Variants in VPS33A observed in about 807,000 individuals in gnomAD.
VPS33A encodes the protein vacuolar protein sorting-associated protein 33A.
Under a neutral mutation model 71.8 loss-of-function variants are expected in VPS33A, and 32 were observed. The ratio of observed to expected loss-of-function variants is 0.45; its 90% CI spans 0.34 to 0.60. VPS33A has a LOEUF of 0.60. Ranked by LOEUF, VPS33A falls within the 20% of genes least tolerant of loss-of-function variation. The probability of loss-of-function intolerance (pLI) is 0.02; values close to 1 mark genes in which losing one functional copy is unlikely to be tolerated. For synonymous variants in VPS33A, 311 were observed against 292.7 expected (o/e 1.06, Z -0.64); for missense variants, 625 against 748.5 (o/e 0.84, Z 1.92).
intron 6 of VPS33A, among the ~76,000 whole-genome samples, chr12:122,246,902 T>C (rs900770902): frequency 3.7e-4 from 56 of 152,192 alleles, no homozygotes; most frequent in African/African-American, 1.2e-3. Context: ...ATGCCTGCCC[T>C]ATACTGTGGA....
chr12:122,253,557 A>G (rs988113677), intron 4 of VPS33A: 1 of 154,410 alleles, frequency 6.5e-6, no homozygotes, highest in Middle Eastern at 5.3e-4. Flanking sequence ...TCTCAAAAAA[A>G]AAAAAAAAAA....
rs1354570784 is a variant in VPS33A, at chr12:122,232,423, T to A, written c.1614A>T (p.Gln538His). 1.2e-6 allele frequency: 2 copies of A among 1,610,392 alleles called. No homozygotes were observed. The highest frequency in any genetic ancestry group is 3.4e-5 in the Admixed American group (2 of 59,018). The change falls in exon 13 of 13, where the codon CAA (glutamine) becomes CAT (histidine). Residue 538 changes from glutamine (Q) to histidine (H), a missense_variant. Gln to His is a conservative substitution (Grantham distance 24, BLOSUM62 0). Coordinates refer to ENST00000267199, the MANE Select transcript of VPS33A (RefSeq NM_022916.6). ...PLPTGLQKKR[Q>H]PGENRVTLIF... Reference sequence around the variant, plus strand: ...TCAGAGTCACTCGGTTTTCTCCCGGTTGACCTAAAATTTAAACATTTCAGA... The same window carrying A: ...TCAGAGTCACTCGGTTTTCTCCCGGATGACCTAAAATTTAAACATTTCAGA...
intron 4 of VPS33A, chr12:122,253,512 C>CCG: frequency 6.9e-6 from 1 of 145,272 alleles, no homozygotes; most frequent in South Asian, 2.2e-4. Flanking sequence ...GAGATTGTGC[C>CCG]ACTGCACTCC....
chr12:122,242,571 GAGA>G, intron 7 of VPS33A, 63 bp from the exon 8 acceptor site: 1 of 1,525,766 alleles, frequency 6.6e-7, no homozygotes, highest in Non-Finnish European at 8.9e-7. Flanking sequence ...TTATTTTTTT[GAGA>G]AGGACTCTCG....
intron 6 of VPS33A, among the ~76,000 whole-genome samples, chr12:122,246,513 G>A (rs143086910): frequency 0.025 from 3,800 of 152,018 alleles, 82 homozygotes; most frequent in South Asian, 0.046. Context: ...TGGCCAGGCT[G>A]GTCTCGAACT....
intron 1 of VPS33A, 28 bp downstream of exon 1, chr12:122,266,279 G>A (rs767993199): frequency 5.6e-6 from 9 of 1,605,040 alleles, no homozygotes; most frequent in South Asian, 1.1e-5. Context: ...GGGAGGCGAG[G>A]GCGGTGTCGC....
chr12:122,251,028 C>A lies in VPS33A; in HGVS notation c.555G>T (p.Leu185=). 1 of 1,614,202 alleles carries A rather than the reference C, an allele frequency of 6.2e-7. No individual in the cohort carries two copies. The highest frequency in any genetic ancestry group is 8.5e-7 in the Non-Finnish European group (1 of 1,180,036). Residue 185 remains leucine, a synonymous_variant, in exon 5 of 13, where the codon CTG becomes CTT. Transcript: ENST00000267199. Reference sequence around the variant, plus strand: ...CAAAGATCTGGGGGATCGTTCCATACAGAGCTTGCAGGGTCATCAGCCCCT... The same window carrying A: ...CAAAGATCTGGGGGATCGTTCCATAAAGAGCTTGCAGGGTCATCAGCCCCT... ...AAKGLMTLQA[L]YGTIPQIFGK...
At position 122,264,116 on chromosome 12, in the gene VPS33A, C is replaced by T. The variant is rs1219384479; in HGVS notation, c.168+18G>A. 3 of 1,508,776 alleles carry T rather than the reference C, an allele frequency of 2.0e-6. No individual in the cohort carries two copies. The highest frequency in any genetic ancestry group is 1.4e-5 in the South Asian group (1 of 73,366). 93.5% of individuals were successfully genotyped at this position (1,508,776 alleles called of 1,614,324 possible). ...CAGAATTATTAATCCCCTAACAAAA[C>T]CCAAATAGCTCATTTACCTTCAATA... On this transcript the variant is annotated intron_variant, in intron 2 of 12. Transcript: ENST00000267199.
chr12:122,263,557 C>T lies in VPS33A; in HGVS notation c.296+15G>A. 1 of 1,586,152 alleles carries T rather than the reference C, an allele frequency of 6.3e-7. No homozygotes were observed. Among genetic ancestry groups the T allele is most frequent in the Non-Finnish European group, 8.6e-7 (1 of 1,165,218 alleles). ...GAACCAAACTCTTTTGGATCAAACA[C>T]AAGCTCTGAGATACCTGAGCACGTT... On this transcript the variant is annotated intron_variant, in intron 3 of 12. Transcript: ENST00000267199.
At position 122,257,512 on chromosome 12, in the gene VPS33A, T is replaced by C. The variant is rs372276390; in HGVS notation, c.483+3749A>G. On this transcript the variant is annotated intron_variant, in intron 4 of 12. Coordinates refer to ENST00000267199, the MANE Select transcript of VPS33A (RefSeq NM_022916.6). Reference sequence around the variant, plus strand: ...CACGGTGAAACCCCGTCTCTACTAATACACAAAAAAATTAGCTGGGCGTGG... The same window carrying C: ...CACGGTGAAACCCCGTCTCTACTAACACACAAAAAAATTAGCTGGGCGTGG... 3.5e-5 allele frequency among the ~76,000 whole-genome samples: 5 copies of C among 141,576 alleles called. No homozygotes were observed. In the South Asian group the frequency reaches 9.2e-4, roughly 26 times the overall value. 92.9% of individuals were successfully genotyped at this position (141,576 alleles called of 152,430 possible).
Position 122,235,909 on chromosome 12 carries a change from C to T in VPS33A, c.1317G>A (p.Glu439=). The part of the protein sequence containing the change: ...KREILQTYGY[E]HILTLHNLEK... ...CCAGGTTGTGTAAGGTCAATATGTG[C>T]TCATAGCCGTATGTCTGCAAGGGAA... Residue 439 remains glutamate (E), a synonymous_variant, in exon 11 of 13, where the codon GAG becomes GAA. Coordinates refer to ENST00000267199, the MANE Select transcript of VPS33A (RefSeq NM_022916.6). 1 of 1,609,568 alleles carries T rather than the reference C, an allele frequency of 6.2e-7. No individual in the cohort carries two copies. Among genetic ancestry groups the T allele is most frequent in the Non-Finnish European group, 8.5e-7 (1 of 1,178,322 alleles).
chr12:122,239,655 C>T (rs992352861), intron 9 of VPS33A, among the ~76,000 whole-genome samples: 3 of 148,524 alleles, frequency 2.0e-5, no homozygotes, highest in South Asian at 2.2e-4. Context: ...GGCGTCAACC[C>T]GGGAGGCGGA....
chr12:122,266,316 T>C lies in VPS33A; in HGVS notation c.93A>G (p.Ala31=), dbSNP rs1364335627. The C allele has an allele frequency of 2.5e-6, 4 of 1,612,214 alleles. No homozygotes were observed. Among genetic ancestry groups the C allele is most frequent in the Non-Finnish European group, 2.5e-6 (3 of 1,179,900 alleles). ...RELREFLDKC[A]GSKAIVWDEY... The stretch of plus-strand genomic sequence containing the variant: ...GCCTCCCGCCCCTCACCTTGCTTCC[T>C]GCGCACTTGTCCAGGAACTCGCGCA... The change falls in exon 1 of 13, where the codon GCA becomes GCG. Residue 31 remains alanine (A), a synonymous_variant. Coordinates refer to ENST00000267199, the MANE Select transcript of VPS33A (RefSeq NM_022916.6).
chr12:122,259,470 C>T (rs1954964537), intron 4 of VPS33A, among the ~76,000 whole-genome samples: 1 of 152,126 alleles, frequency 6.6e-6, no homozygotes, highest in African/African-American at 2.4e-5. Context: ...CCATCCACCT[C>T]AGCCTCCCAA....
Position 122,239,874 on chromosome 12 carries a change from A to G in VPS33A, c.1164+4T>C. On this transcript the variant is annotated splice_donor_region_variant and intron_variant, in intron 9 of 12. Coordinates refer to ENST00000267199, the MANE Select transcript of VPS33A (RefSeq NM_022916.6). ...TTGTTAAAGAGGTTTTTTTGTCCAC[A>G]TACCTTATCAGTGTCTATTCCAGAC... 6.2e-7 allele frequency: 1 copy of G among 1,609,038 alleles called. No individual in the cohort carries two copies. Among genetic ancestry groups the G allele is most frequent in the South Asian group, 1.1e-5 (1 of 90,720 alleles).
At chr12:122,245,983 C>T (rs551363581) in intron 6 of VPS33A, among the ~76,000 whole-genome samples, 1 of 152,160 alleles carries the variant, frequency 6.6e-6, no homozygotes, top group Non-Finnish European at 1.5e-5. Context: ...ACTTCCTCTG[C>T]GAAGTAGCCT....
chr12:122,253,120 G>A (rs1954866819), intron 4 of VPS33A: 1 of 152,166 alleles, frequency 6.6e-6, no homozygotes, highest in Non-Finnish European at 1.5e-5. Flanking sequence ...GGTTATTATT[G>A]AGAGTGTCGC....
intron 8 of VPS33A, among the ~76,000 whole-genome samples, chr12:122,241,283 G>C (rs950869523): frequency 6.6e-6 from 1 of 151,712 alleles, no homozygotes; most frequent in African/African-American, 2.4e-5. Flanking sequence ...TTAAAAAATG[G>C]ACCCTTCCTC....
chr12:122,259,588 G>GT (rs1954965896), intron 4 of VPS33A, among the ~76,000 whole-genome samples: 1 of 152,096 alleles, frequency 6.6e-6, no homozygotes, highest in Admixed American at 6.5e-5. Context: ...AATATTCACA[G>GT]TATCGTGACA....
Sources: allele counts gnomAD v4.1 joint callset (sites outside exome capture counted in the v4.1 genomes callset), GRCh38; gene constraint gnomAD v4.1.1; transcripts MANE v1.5; gene names NCBI Gene and HGNC (gene_info 2026-07-23, HGNC 2026-07-21).